The following USP8 variants were observed in gnomAD, a reference collection of about 807,000 sequenced individuals.
USP8 encodes ubiquitin carboxyl-terminal hydrolase 8.
Under a neutral mutation model 130.0 loss-of-function variants are expected in USP8, and 27 were observed. That is an observed-to-expected ratio of 0.21 (90% CI 0.15 to 0.29). The LOEUF (loss-of-function observed/expected upper bound fraction) is 0.29. USP8 is among the 10% of genes least tolerant of loss of function. The pLI is 1.00. For missense variants in USP8, 1,029 were observed against 1,312.2 expected (o/e 0.78, Z 3.33); for synonymous variants, 392 against 444.1 (o/e 0.88, Z 1.48).
chr15:50,508,535 T>G lies in USP8; in HGVS notation c.*9447T>G, dbSNP rs977940533. On this transcript the variant is annotated 3_prime_UTR_variant, in exon 20 of 20. Coordinates refer to ENST00000307179, the MANE Select transcript of USP8 (RefSeq NM_005154.5). Reference sequence around the variant, plus strand: ...CTTATATCTTAAAGGATAGACTGAGTGTTAATACACTGGACACTCAGTTTA... The same window carrying G: ...CTTATATCTTAAAGGATAGACTGAGGGTTAATACACTGGACACTCAGTTTA... The G allele has an allele frequency of 3.3e-5, 5 of 152,066 alleles. No individual in the cohort carries two copies. Among genetic ancestry groups the G allele is most frequent in the African/African-American group, 1.2e-4 (5 of 41,400 alleles). 9.4% of individuals were successfully genotyped at this position (152,066 alleles called of 1,614,324 possible).
At chr15:50,475,382 T>C (rs1329949269) in intron 8 of USP8, among the ~76,000 whole-genome samples, 1 of 152,076 alleles carries the variant, frequency 6.6e-6, no homozygotes, top group East Asian at 1.9e-4. Context: ...AAGATACCAT[T>C]TTATGTTCAT....
intron 14 of USP8, 94 bp from the exon 15 acceptor site, chr15:50,492,607 T>C: frequency 8.1e-7 from 1 of 1,229,382 alleles, no homozygotes; most frequent in Non-Finnish European, 1.1e-6. Context: ...ATGCCTGTGG[T>C]ACAGGTGCTA....
At chr15:50,478,666 C>T (rs1382435834) in intron 10 of USP8, among the ~76,000 whole-genome samples, 1 of 152,130 alleles carries the variant, frequency 6.6e-6, no homozygotes, top group Non-Finnish European at 1.5e-5. Flanking sequence ...TTCCTTTCAA[C>T]TTAATCTATT....
intron 3 of USP8, among the ~76,000 whole-genome samples, chr15:50,444,004 T>C (rs982990181): frequency 1.4e-4 from 21 of 152,150 alleles, no homozygotes; most frequent in African/African-American, 4.8e-4. Flanking sequence ...AAACGCAGTG[T>C]AAGTGGTGCT....
Position 50,513,389 on chromosome 15 carries a change from A to C in USP8, c.*14301A>C, listed in dbSNP as rs1053155803. 1.3e-5 allele frequency: 2 copies of C among 152,090 alleles called. No homozygotes were observed. The highest frequency in any genetic ancestry group is 2.9e-5 in the Non-Finnish European group (2 of 68,012). 9.4% of individuals were successfully genotyped at this position (152,090 alleles called of 1,614,324 possible). On this transcript the variant is annotated 3_prime_UTR_variant, in exon 20 of 20. Coordinates refer to ENST00000307179, the MANE Select transcript of USP8 (RefSeq NM_005154.5). ...TATAACCACATGCAACAATATGGAT[A>C]TATCTTTAAAATATTTAATGAAAAA...
intron 4 of USP8, among the ~76,000 whole-genome samples, chr15:50,453,329 A>G (rs1464124842): frequency 6.6e-6 from 1 of 152,176 alleles, no homozygotes; most frequent in Non-Finnish European, 1.5e-5. Flanking sequence ...ATTTTCATAA[A>G]TCTATTGTTT....
intron 12 of USP8, among the ~76,000 whole-genome samples, chr15:50,485,605 C>T (rs1347122546): frequency 2.0e-5 from 2 of 101,576 alleles, no homozygotes; most frequent in South Asian, 3.7e-4. Flanking sequence ...GTTGTGAAAC[C>T]ATTAATACAA....
chr15:50,436,861 G>T (rs576194056), intron 1 of USP8, among the ~76,000 whole-genome samples: 4 of 151,876 alleles, frequency 2.6e-5, no homozygotes, highest in Non-Finnish European at 5.9e-5. Flanking sequence ...GTAGAGATAG[G>T]GTTTCACCAT....
chr15:50,435,314 A>AC (rs2050062236), intron 1 of USP8, among the ~76,000 whole-genome samples: 1 of 152,252 alleles, frequency 6.6e-6, no homozygotes, highest in Admixed American at 6.5e-5. Flanking sequence ...TGAACCATGT[A>AC]CAGAGTTTTT....
Position 50,449,455 on chromosome 15 carries a change from C to G in USP8, c.305C>G (p.Ala102Gly). Reference protein sequence around the residue: ...PGNIKKAVEEAERLSESLKLR... With the variant: ...PGNIKKAVEEGERLSESLKLR... ...AACATCAAAAAAGCTGTCGAAGAAG[C>G]TGAAAGACTCTCTGAAAGCCTTAAA... Residue 102 changes from alanine (A) to glycine (G), a missense_variant, in exon 4 of 20, where the codon GCT becomes GGT. Transcript: ENST00000307179. The G allele has an allele frequency of 6.3e-7, 1 of 1,595,478 alleles. No homozygotes were observed. Among genetic ancestry groups the G allele is most frequent in the Non-Finnish European group, 8.5e-7 (1 of 1,169,684 alleles).
chr15:50,424,407 G>C lies in USP8; in HGVS notation c.-173G>C. The C allele has an allele frequency of 2.5e-6, 1 of 398,728 alleles. No individual in the cohort carries two copies. Among genetic ancestry groups the C allele is most frequent in the Non-Finnish European group, 4.4e-6 (1 of 226,102 alleles). The allele number at this position is 398,728 out of a possible 1,614,324, so 24.7% of individuals were successfully genotyped here. On this transcript the variant is annotated 5_prime_UTR_variant, in exon 1 of 20. Transcript: ENST00000307179. ...AATGCAAATCGGGAAAAGGGGGTGA[G>C]CTGGGCTGGCTTCCGTCCTGGTAGC...
intron 1 of USP8, among the ~76,000 whole-genome samples, chr15:50,434,901 T>A (rs1218708080): frequency 6.6e-6 from 1 of 152,196 alleles, no homozygotes; most frequent in Non-Finnish European, 1.5e-5. Flanking sequence ...ATTACAGGTG[T>A]GAGCCACTGC....
intron 1 of USP8, among the ~76,000 whole-genome samples, chr15:50,425,125 C>G (rs2049670546): frequency 6.6e-6 from 1 of 152,170 alleles, no homozygotes; most frequent in African/African-American, 2.4e-5. Context: ...CTGCAGACCA[C>G]CCTCCTGGGT....
At chr15:50,496,439 C>T (rs1205297176) in intron 17 of USP8, among the ~76,000 whole-genome samples, 1 of 147,690 alleles carries the variant, frequency 6.8e-6, no homozygotes, top group Admixed American at 6.8e-5. Flanking sequence ...TGAGATCTCG[C>T]CACTGCACTC....
chr15:50,498,791 G>A, intron 19 of USP8, 63 bp downstream of exon 19: 1 of 1,555,726 alleles, frequency 6.4e-7, no homozygotes, highest in Non-Finnish European at 8.7e-7. Context: ...AGTTTTAAGT[G>A]GTTTCCTACC....
intron 4 of USP8, among the ~76,000 whole-genome samples, chr15:50,450,944 T>C (rs1595921096): frequency 2.0e-5 from 3 of 152,192 alleles, no homozygotes; most frequent in Admixed American, 6.6e-5. Flanking sequence ...GAACTGGTTT[T>C]AAGTGATACA....
chr15:50,507,120 TAA>T lies in USP8; in HGVS notation c.*8036_*8037del, dbSNP rs1378403420. The stretch of plus-strand genomic sequence containing the variant: ...CAACATGGCAAAACCCGGTCTCTAC[TAA>T]AAATACAAAAATTAGCTGGGTCTGG... On this transcript the variant is annotated 3_prime_UTR_variant, in exon 20 of 20. Transcript: ENST00000307179. 2 of 152,124 alleles carry T rather than the reference TAA, an allele frequency of 1.3e-5. No individual in the cohort carries two copies. The highest frequency in any genetic ancestry group is 4.8e-5 in the African/African-American group (2 of 41,432). The allele number at this position is 152,124 out of a possible 1,614,324, so 9.4% of individuals were successfully genotyped here.
rs1020838218 is a variant in USP8, at chr15:50,497,015, A to G, written c.2896-74A>G. The G allele has an allele frequency of 3.0e-5, 46 of 1,519,048 alleles. No individual in the cohort carries two copies. The South Asian group carries it at 3.2e-4, about 10-fold the overall frequency. The allele number at this position is 1,519,048 out of a possible 1,614,324, so 94.1% of individuals were successfully genotyped here. On this transcript the variant is annotated intron_variant, in intron 17 of 19. Transcript: ENST00000307179. ...AATCACTGGTGCCTGCAGAGTGACT[A>G]ACTAAATAGGTGCTCTCTGACATTA...
chr15:50,499,146 A>C lies in USP8; in HGVS notation c.*58A>C. 1 of 1,486,544 alleles carries C rather than the reference A, an allele frequency of 6.7e-7. No individual in the cohort carries two copies. The highest frequency in any genetic ancestry group is 9.0e-7 in the Non-Finnish European group (1 of 1,110,660). The allele number at this position is 1,486,544 out of a possible 1,614,324, so 92.1% of individuals were successfully genotyped here. On this transcript the variant is annotated 3_prime_UTR_variant, in exon 20 of 20. Transcript: ENST00000307179. ...AAAGGCTCAGCAACACAACTCTTGAAATGCTTATCAGGATAATGGTAGCTA... is the reference window on the plus strand; with the variant it reads ...AAAGGCTCAGCAACACAACTCTTGACATGCTTATCAGGATAATGGTAGCTA...
Sources: gnomAD v4.1 joint callset for allele counts (sites outside exome capture counted in the v4.1 genomes callset) on GRCh38, gnomAD v4.1.1 for gene constraint, MANE v1.5 for transcripts, NCBI Gene and HGNC (gene_info 2026-07-23, HGNC 2026-07-21) for gene names.